Variants in PTPRG observed in about 807,000 individuals in gnomAD.
The protein encoded by PTPRG is protein tyrosine phosphatase receptor type G, also known as receptor-type tyrosine-protein phosphatase gamma.
Under a neutral mutation model 165.3 loss-of-function variants are expected in PTPRG, and 102 were observed. That is an observed-to-expected ratio of 0.62 (90% CI 0.53 to 0.73). The LOEUF (loss-of-function observed/expected upper bound fraction) is 0.73. Among genes scored for constraint, PTPRG ranks in the 30% least tolerant of loss-of-function variants. The pLI, the probability that PTPRG is intolerant of heterozygous loss-of-function variation, is 0.00. For synonymous variants in PTPRG, 675 were observed against 669.5 expected, an observed-to-expected ratio of 1.01 and a Z score of -0.13; for missense variants, 1,866 against 1,861.4, an observed-to-expected ratio of 1.00 and a Z score of -0.05.
chr3:61,708,089 G>GTT (rs56702793), intron 1 of PTPRG, among the ~76,000 whole-genome samples: 1 of 149,620 alleles, frequency 6.7e-6, no homozygotes, highest in African/African-American at 2.5e-5. Context: ...ACACCCAGTA[G>GTT]TTTTTTTTTT....
At chr3:61,686,717 T>C (rs879413330) in intron 1 of PTPRG, among the ~76,000 whole-genome samples, 1 of 152,182 alleles carries the variant, frequency 6.6e-6, no homozygotes, top group Non-Finnish European at 1.5e-5. Context: ...GATGTTACAA[T>C]CAGAGAAGCA....
intron 6 of PTPRG, among the ~76,000 whole-genome samples, chr3:62,141,711 C>T (rs1703935532): frequency 1.3e-5 from 2 of 150,668 alleles, no homozygotes; most frequent in Non-Finnish European, 3.0e-5. Flanking sequence ...ACCAGCCTGG[C>T]TAATGTGGCA....
intron 16 of PTPRG, among the ~76,000 whole-genome samples, chr3:62,258,859 G>A (rs1211351252): frequency 2.0e-5 from 3 of 152,136 alleles, no homozygotes; most frequent in Non-Finnish European, 4.4e-5. Context: ...AGTATTAAAA[G>A]ATTGACAGCC....
chr3:61,907,928 C>CCAGCCT (rs200172372), intron 2 of PTPRG, among the ~76,000 whole-genome samples: 1 of 99,800 alleles, frequency 1.0e-5, no homozygotes, highest in African/African-American at 7.3e-5. Context: ...GAGTTTGATG[C>CCAGCCT]CAGCAACATA....
intron 2 of PTPRG, among the ~76,000 whole-genome samples, chr3:61,975,464 C>T (rs2040481851): frequency 6.6e-6 from 1 of 152,122 alleles, no homozygotes; most frequent in Non-Finnish European, 1.5e-5. Context: ...CTGTATGGGG[C>T]CTCAGAAATA....
chr3:61,790,059 C>T (rs943159125), intron 2 of PTPRG, among the ~76,000 whole-genome samples: 2 of 152,086 alleles, frequency 1.3e-5, no homozygotes, highest in African/African-American at 4.8e-5. Context: ...GGTGGTTTCT[C>T]CCTGTGTTGC....
intron 5 of PTPRG, among the ~76,000 whole-genome samples, chr3:62,130,938 A>AT (rs56082401): frequency 0.012 from 1,711 of 148,050 alleles, 15 homozygotes; most frequent in Non-Finnish European, 0.015. Flanking sequence ...CTATTCACTG[A>AT]TTTTTTTTTT....
At chr3:62,080,449 T>A (rs914003176) in intron 5 of PTPRG, among the ~76,000 whole-genome samples, 8 of 152,152 alleles carry the variant, frequency 5.3e-5, no homozygotes, top group Non-Finnish European at 1.2e-4. Context: ...TTAAAACAGT[T>A]CCCACATGCC....
At position 62,222,093 on chromosome 3, in the gene PTPRG, CTGCT is replaced by C. The variant is rs1234088559; in HGVS notation, c.2288+3111_2288+3114del. On this transcript the variant is annotated intron_variant, in intron 13 of 29. Transcript: ENST00000474889. This position sits in a 1 kb window ranked among gnomAD's most constrained non-coding sequence, Gnocchi z 4.5. Reference sequence around the variant, plus strand: ...ACGAGAACTCACATTTGTTGAAAGCCTGCTATGGGCCAAATAGTTGGCAATATCA... The same window carrying C: ...ACGAGAACTCACATTTGTTGAAAGCCATGGGCCAAATAGTTGGCAATATCA... Among the ~76,000 whole-genome samples the C allele has an allele frequency of 2.6e-5, 4 of 152,242 alleles. No individual in the cohort carries two copies. The highest frequency in any genetic ancestry group is 9.6e-5 in the African/African-American group (4 of 41,470).
intron 2 of PTPRG, among the ~76,000 whole-genome samples, chr3:61,762,957 A>G (rs373987583): frequency 5.3e-5 from 8 of 152,108 alleles, no homozygotes; most frequent in Non-Finnish European, 7.3e-5. Flanking sequence ...CTAGATGTCA[A>G]ATACTGAGTA....
intron 5 of PTPRG, among the ~76,000 whole-genome samples, chr3:62,085,001 A>G (rs1460544494): frequency 6.6e-6 from 1 of 152,156 alleles, no homozygotes; most frequent in African/African-American, 2.4e-5. Context: ...TACAAATTAT[A>G]AAAAATAGGC....
At chr3:61,934,602 G>T (rs1266233779) in intron 2 of PTPRG, among the ~76,000 whole-genome samples, 1 of 152,032 alleles carries the variant, frequency 6.6e-6, no homozygotes, top group Admixed American at 6.5e-5. Context: ...GGGGACCCCA[G>T]TTCCTGCCAT....
At chr3:62,076,114 A>T (rs1701372811) in intron 4 of PTPRG, among the ~76,000 whole-genome samples, 1 of 152,004 alleles carries the variant, frequency 6.6e-6, no homozygotes, top group African/African-American at 2.4e-5. Flanking sequence ...TGCCTCTAAA[A>T]ATGTATATAT....
intron 2 of PTPRG, chr3:61,749,329 T>C: frequency 2.6e-6 from 1 of 379,034 alleles, no homozygotes; most frequent in Non-Finnish European, 5.1e-6. Flanking sequence ...AATATATGGC[T>C]AGTCTTGAGC....
intron 1 of PTPRG, chr3:61,743,138 C>G: frequency 2.6e-6 from 3 of 1,169,242 alleles, no homozygotes; most frequent in East Asian, 4.9e-5. Context: ...CGGAAAAGAG[C>G]GGGTCTGGTA....
intron 5 of PTPRG, among the ~76,000 whole-genome samples, chr3:62,114,929 C>G (rs1054065797): frequency 3.9e-5 from 6 of 152,162 alleles, no homozygotes; most frequent in African/African-American, 1.4e-4. Context: ...CATAAGCCAC[C>G]ACACCCAGCC....
At chr3:61,936,897 G>A (rs993357740) in intron 2 of PTPRG, among the ~76,000 whole-genome samples, 1 of 152,212 alleles carries the variant, frequency 6.6e-6, no homozygotes, top group African/African-American at 2.4e-5. Flanking sequence ...GAGGGAATAG[G>A]ATGTTTGGCT....
At chr3:61,576,068 A>G (rs1271740707) in intron 1 of PTPRG, among the ~76,000 whole-genome samples, 1 of 152,242 alleles carries the variant, frequency 6.6e-6, no homozygotes, top group African/African-American at 2.4e-5. Flanking sequence ...CAGAGATCCC[A>G]CAGCGAATAA....
rs563691185 is a variant in PTPRG at position 62,189,382 on chromosome 3, GT to G, written c.1034-2083del. ...CATCCTGTCCCCAGAGCTGCCTTGGGTTTTGGGTTCTTGAGTAGGAAATACG... is the reference window on the plus strand; with the variant it reads ...CATCCTGTCCCCAGAGCTGCCTTGGGTTTGGGTTCTTGAGTAGGAAATACG... On this transcript the variant is annotated intron_variant, in intron 8 of 29. Coordinates refer to ENST00000474889, the MANE Select transcript of PTPRG (RefSeq NM_002841.4). Among the ~76,000 whole-genome samples the G allele has an allele frequency of 1.4e-4, 22 of 152,284 alleles. No individual in the cohort carries two copies. The East Asian group carries it at 4.1e-3, about 28-fold the overall frequency.
Sources: gnomAD v4.1 joint callset for allele counts (sites outside exome capture counted in the v4.1 genomes callset) on GRCh38, gnomAD v4.1.1 for gene constraint, Gnocchi (gnomAD v3.1) non-coding constraint, MANE v1.5 for transcripts, NCBI Gene and HGNC (gene_info 2026-07-23, HGNC 2026-07-21) for gene names.